Variants in ZNF791 observed in about 807,000 individuals in gnomAD.
The protein encoded by ZNF791 is zinc finger protein 791.
Under a neutral mutation model 11.5 loss-of-function variants are expected in ZNF791, and 4 were observed. That is an observed-to-expected ratio of 0.35 (90% CI 0.17 to 0.80). The LOEUF is 0.80. ZNF791 is among the 30% of genes least tolerant of loss of function. The pLI, the probability that ZNF791 is intolerant of heterozygous loss-of-function variation, is 0.53. For synonymous variants in ZNF791, 212 were observed against 228.1 expected (o/e 0.93, Z 0.64); for missense variants, 559 against 699.4 (o/e 0.80, Z 2.26).
chr19:12,628,570 G>A lies in ZNF791; in HGVS notation c.1041G>A (p.Val347=). 1 of 1,599,244 alleles carries A rather than the reference G, an allele frequency of 6.3e-7. No individual in the cohort carries two copies. The highest frequency in any genetic ancestry group is 8.5e-7 in the Non-Finnish European group (1 of 1,173,654). Residue 347 remains valine, a synonymous_variant, in exon 4 of 4, where the codon GTG becomes GTA. Transcript: ENST00000343325. The stretch of plus-strand genomic sequence containing the variant: ...CACGCCCAGCCTTTCGAGTACACGT[G>A]AGAGTGCATACTGGAGAGAAACCCT... The part of the protein sequence containing the change: ...FSARPAFRVH[V]RVHTGEKPYK...
At chr19:12,615,445 C>T (rs2145179367) in intron 1 of ZNF791, among the ~76,000 whole-genome samples, 1 of 152,210 alleles carries the variant, frequency 6.6e-6, no homozygotes, top group East Asian at 1.9e-4. Context: ...GTCTTCATGG[C>T]TTGATACCTG....
chr19:12,613,786 A>G (rs774023046), intron 1 of ZNF791, among the ~76,000 whole-genome samples: 27 of 152,034 alleles, frequency 1.8e-4, no homozygotes, highest in Non-Finnish European at 3.2e-4. Flanking sequence ...TATGCCCACC[A>G]TGGAAGGATC....
rs189394203 is a variant in ZNF791, at chr19:12,617,926, T to C, written c.4-5774T>C. ...GGCTAAATTTTGCTTTTTTTTTTTT[T>C]TTTTTTTTGAGACAGAGTTTCGTCC... is the stretch of plus-strand genomic sequence containing the variant. On this transcript the variant is annotated intron_variant, in intron 1 of 3. Transcript: ENST00000343325. Among the ~76,000 whole-genome samples, 399 of 146,768 alleles carry C rather than the reference T, an allele frequency of 2.7e-3. 7 individuals are homozygous for C. The Middle Eastern group carries it at 0.031, about 11-fold the overall frequency.
intron 1 of ZNF791, among the ~76,000 whole-genome samples, chr19:12,617,898 C>G (rs1263645365): frequency 6.9e-6 from 1 of 144,156 alleles, no homozygotes; most frequent in African/African-American, 2.6e-5. Flanking sequence ...GTGCCACATA[C>G]AGGGCTAAAT....
chr19:12,629,012 C>A lies in ZNF791; in HGVS notation c.1483C>A (p.Pro495Thr), dbSNP rs1383693846. 1.9e-6 allele frequency: 3 copies of A among 1,613,862 alleles called. No individual in the cohort carries two copies. The highest frequency in any genetic ancestry group is 1.7e-6 in the Non-Finnish European group (2 of 1,179,954). Residue 495 changes from proline to threonine, a missense_variant, in exon 4 of 4, where the codon CCT becomes ACT. Coordinates refer to ENST00000343325, the MANE Select transcript of ZNF791 (RefSeq NM_153358.3). ...IHKRTHTGEK[P>T]YECKECGKAF... is the part of the protein sequence containing the mutation. ...TAAAAGAACTCACACTGGGGAGAAA[C>A]CTTATGAATGTAAGGAATGCGGGAA...
At chr19:12,620,722 C>T (rs1339126047) in intron 1 of ZNF791, among the ~76,000 whole-genome samples, 7 of 149,812 alleles carry the variant, frequency 4.7e-5, no homozygotes, top group Non-Finnish European at 1.0e-4. Context: ...GGGATCACTT[C>T]CTCCTGAAAC....
intron 1 of ZNF791, 29 bp from the exon 2 acceptor site, chr19:12,623,671 C>T: frequency 3.1e-6 from 5 of 1,613,154 alleles, no homozygotes; most frequent in Non-Finnish European, 4.2e-6. Flanking sequence ...TCAATCTCAC[C>T]TATTCTCTAC....
intron 3 of ZNF791, among the ~76,000 whole-genome samples, chr19:12,626,517 C>T (rs1246053973): frequency 6.6e-6 from 1 of 151,966 alleles, no homozygotes; most frequent in Non-Finnish European, 1.5e-5. Context: ...CTCCTGACCC[C>T]AATTGATCCA....
At position 12,618,688 on chromosome 19, in the gene ZNF791, G is replaced by A. The variant is rs560903448; in HGVS notation, c.4-5012G>A. On this transcript the variant is annotated intron_variant, in intron 1 of 3. Coordinates refer to ENST00000343325, the MANE Select transcript of ZNF791 (RefSeq NM_153358.3). Reference sequence around the variant, plus strand: ...TGAGACAGGAGAATTGCTTGAACCCGGGAGGCGGAGGCTGCAGTGAGCCGA... The same window carrying A: ...TGAGACAGGAGAATTGCTTGAACCCAGGAGGCGGAGGCTGCAGTGAGCCGA... Among the ~76,000 whole-genome samples the A allele has an allele frequency of 4.6e-5, 7 of 151,518 alleles. No individual in the cohort carries two copies. The South Asian group carries it at 1.1e-3, about 23-fold the overall frequency.
At chr19:12,622,238 C>A (rs1391922605) in intron 1 of ZNF791, among the ~76,000 whole-genome samples, 1 of 140,400 alleles carries the variant, frequency 7.1e-6, no homozygotes, top group Non-Finnish European at 1.6e-5. Context: ...GGTCCTCTGC[C>A]TAGGAAAACC....
chr19:12,612,653 A>G (rs894971573), intron 1 of ZNF791, among the ~76,000 whole-genome samples: 10 of 138,092 alleles, frequency 7.2e-5, no homozygotes, highest in African/African-American at 2.7e-4. Context: ...GTGTTTCACT[A>G]TGTTTCCCAG....
At chr19:12,615,755 G>A (rs2023237010) in intron 1 of ZNF791, among the ~76,000 whole-genome samples, 1 of 149,764 alleles carries the variant, frequency 6.7e-6, no homozygotes, top group Admixed American at 6.7e-5. Context: ...CTCCAGCCTG[G>A]GCAACAAGAG....
At position 12,632,223 on chromosome 19, in the gene ZNF791, A is replaced by G. The variant is rs1029198929; in HGVS notation, c.*2963A>G. On this transcript the variant is annotated 3_prime_UTR_variant, in exon 4 of 4. Coordinates refer to ENST00000343325, the MANE Select transcript of ZNF791 (RefSeq NM_153358.3). ...CGTGATTCGACCGCCTCAGCCTCCC[A>G]AAGTGCTGGGATTACAAGCTTGAGC... The G allele has an allele frequency of 2.0e-5, 3 of 152,090 alleles. No individual in the cohort carries two copies. The highest frequency in any genetic ancestry group is 7.2e-5 in the African/African-American group (3 of 41,508). The allele number at this position is 152,090 out of a possible 1,614,324, so 9.4% of individuals were successfully genotyped here. A position where few individuals can be genotyped will look rare whatever the true frequency, so the allele number is the denominator to read the frequency against.
chr19:12,617,247 T>C (rs1047918182), intron 1 of ZNF791, among the ~76,000 whole-genome samples: 1 of 151,094 alleles, frequency 6.6e-6, no homozygotes, highest in Non-Finnish European at 1.5e-5. Context: ...TGCCTCAACC[T>C]CTCAAGTAGC....
rs1383825196 is a variant in ZNF791, at chr19:12,628,096, A to G, written c.567A>G (p.Glu189=). 1.2e-6 allele frequency: 2 copies of G among 1,614,130 alleles called. No individual in the cohort carries two copies. The highest frequency in any genetic ancestry group is 1.7e-6 in the Non-Finnish European group (2 of 1,180,020). The part of the protein sequence containing the change: ...ERTHIGEKPY[E]CKQCGKALSC... ...CTCACATTGGAGAAAAACCCTATGA[A>G]TGTAAGCAATGTGGAAAAGCTCTTA... is the stretch of plus-strand genomic sequence containing the variant. Residue 189 remains glutamate (E), a synonymous_variant, in exon 4 of 4, where the codon GAA becomes GAG. Transcript: ENST00000343325.
intron 1 of ZNF791, among the ~76,000 whole-genome samples, chr19:12,614,929 A>T (rs1443063646): frequency 1.7e-3 from 14 of 8,090 alleles, no homozygotes; most frequent in Admixed American, 7.1e-3. Flanking sequence ...TTTTTTTTTG[A>T]TACAGCGTCT....
In ZNF791 at chr19:12,629,163, T is replaced by G; in HGVS notation, c.1634T>G (p.Ile545Ser). The change falls in exon 4 of 4, where the codon ATT (isoleucine) becomes AGT (serine). Residue 545 changes from isoleucine to serine, a missense_variant. Transcript: ENST00000343325. Reference sequence around the variant, plus strand: ...AGTTCCTTTCAAAGACATACAAGAATTCACAATTATGAGAAACCTCTTGAA... The same window carrying G: ...AGTTCCTTTCAAAGACATACAAGAAGTCACAATTATGAGAAACCTCTTGAA... ...LHSSFQRHTR[I>S]HNYEKPLECK... is the part of the protein sequence containing the mutation. 1.9e-6 allele frequency: 3 copies of G among 1,594,466 alleles called. No homozygotes were observed. Among genetic ancestry groups the G allele is most frequent in the Non-Finnish European group, 2.6e-6 (3 of 1,172,348 alleles).
intron 1 of ZNF791, among the ~76,000 whole-genome samples, chr19:12,611,405 CCT>C (rs1378288360): frequency 6.6e-6 from 1 of 152,168 alleles, no homozygotes; most frequent in Non-Finnish European, 1.5e-5. Context: ...GCTGTTTCCC[CCT>C]GAGTCTTCCA....
intron 1 of ZNF791, among the ~76,000 whole-genome samples, chr19:12,617,326 A>G (rs1010791691): frequency 6.6e-6 from 1 of 151,798 alleles, no homozygotes; most frequent in Non-Finnish European, 1.5e-5. Context: ...GGGTTTCACC[A>G]TGTTGGCCAG....
Sources: allele counts gnomAD v4.1 joint callset (sites outside exome capture counted in the v4.1 genomes callset), GRCh38; gene constraint gnomAD v4.1.1; transcripts MANE v1.5; gene names NCBI Gene and HGNC (gene_info 2026-07-23, HGNC 2026-07-21).